Variants in FUT8 observed in about 807,000 individuals in gnomAD.
FUT8 encodes fucosyltransferase 8, also known as alpha-(1,6)-fucosyltransferase.
In FUT8, 29 loss-of-function variants were observed where a neutral mutation model predicts 71.3. The ratio of observed to expected loss-of-function variants is 0.41; its 90% CI spans 0.30 to 0.55. FUT8 has a LOEUF of 0.55. FUT8 is among the 20% of genes least tolerant of loss of function. The pLI, the probability that FUT8 is intolerant of heterozygous loss-of-function variation, is 0.34. For synonymous variants in FUT8, 254 were observed against 239.3 expected, an observed-to-expected ratio of 1.06 and a Z score of -0.57; for missense variants, 544 against 702.1, an observed-to-expected ratio of 0.77 and a Z score of 2.55.
intron 2 of FUT8, among the ~76,000 whole-genome samples, chr14:65,535,656 G>A (rs780213772): frequency 6.6e-6 from 1 of 152,126 alleles, no homozygotes; most frequent in Non-Finnish European, 1.5e-5. Flanking sequence ...TAGTTGGTAT[G>A]ATTTCCGCTC....
At chr14:65,568,818 T>C (rs1886331322) in intron 3 of FUT8, among the ~76,000 whole-genome samples, 1 of 151,152 alleles carries the variant, frequency 6.6e-6, no homozygotes, top group Non-Finnish European at 1.5e-5. Context: ...TATTCTTTTA[T>C]AATTGGCCAC....
intron 7 of FUT8, among the ~76,000 whole-genome samples, chr14:65,682,802 T>A (rs935899351): frequency 6.6e-6 from 1 of 152,186 alleles, no homozygotes; most frequent in Admixed American, 6.5e-5. Context: ...CAGTTGTGAA[T>A]AAAAAATTGG....
intron 2 of FUT8, among the ~76,000 whole-genome samples, chr14:65,482,160 G>A (rs2066340683): frequency 6.6e-6 from 1 of 151,976 alleles, no homozygotes; most frequent in African/African-American, 2.4e-5. Context: ...TTTTTATATG[G>A]GATAAAAATT....
chr14:65,522,801 C>T (rs1883173762), intron 2 of FUT8, among the ~76,000 whole-genome samples: 1 of 150,558 alleles, frequency 6.6e-6, no homozygotes, highest in African/African-American at 2.5e-5. Context: ...CGGTTTCCAC[C>T]AATGAGTGAG....
chr14:65,456,064 ATTT>A (rs1193326597), intron 2 of FUT8, among the ~76,000 whole-genome samples: 2 of 152,176 alleles, frequency 1.3e-5, no homozygotes, highest in Non-Finnish European at 2.9e-5. Context: ...CATCTTAAAC[ATTT>A]CTGACATTTT....
chr14:65,697,597 A>T (rs905710429), intron 7 of FUT8, among the ~76,000 whole-genome samples: 7 of 152,214 alleles, frequency 4.6e-5, no homozygotes. Flanking sequence ...AGAAAAGTAC[A>T]ATTATGTTTT....
At chr14:65,636,907 A>G (rs1347314076) in intron 6 of FUT8, among the ~76,000 whole-genome samples, 1 of 152,210 alleles carries the variant, frequency 6.6e-6, no homozygotes, top group Non-Finnish European at 1.5e-5. Context: ...TAAACTGATT[A>G]AAAGATTATA....
At position 65,550,709 on chromosome 14, in the gene FUT8, C is replaced by T. The variant is rs10129221; in HGVS notation, c.-227-10628C>T. On this transcript the variant is annotated intron_variant, in intron 2 of 10. Transcript: ENST00000673929. This position sits in a 1 kb window ranked among gnomAD's most constrained non-coding sequence, Gnocchi z 4.5. ...GCACATATTTCGATACTTGTTTCAG[C>T]GCTCTTGTCTGCTGTCATCATTGTC... 0.011 allele frequency among the ~76,000 whole-genome samples: 1,709 copies of T among 152,144 alleles called. 35 individuals are homozygous for T. The highest frequency in any genetic ancestry group is 0.039 in the African/African-American group (1,635 of 41,526).
At chr14:65,694,250 C>G (rs1179672825) in intron 7 of FUT8, among the ~76,000 whole-genome samples, 1 of 152,036 alleles carries the variant, frequency 6.6e-6, no homozygotes, top group African/African-American at 2.4e-5. Flanking sequence ...AATATGGAAG[C>G]TTAGATAATT....
intron 6 of FUT8, among the ~76,000 whole-genome samples, chr14:65,632,851 T>G (rs891296660): frequency 1.3e-5 from 2 of 152,250 alleles, no homozygotes; most frequent in African/African-American, 4.8e-5. Context: ...TAGTTTCAGG[T>G]CTCAGATTTA....
chr14:65,692,547 G>A (rs1321542021), intron 7 of FUT8, among the ~76,000 whole-genome samples: 4 of 143,738 alleles, frequency 2.8e-5, no homozygotes, highest in South Asian at 4.5e-4. Flanking sequence ...GCGGCTGGCC[G>A]GGAGGGGGGC....
chr14:65,365,545 A>G, the FUT8 span, among the ~76,000 whole-genome samples: 3 of 150,114 alleles, frequency 2.0e-5, no homozygotes, highest in Non-Finnish European at 4.4e-5. Context: ...CAGGTCATAA[A>G]GAGCTTGCTG....
At chr14:65,557,533 A>G (rs1367700967) in intron 2 of FUT8, among the ~76,000 whole-genome samples, 1 of 151,474 alleles carries the variant, frequency 6.6e-6, no homozygotes, top group Non-Finnish European at 1.5e-5. Context: ...GGGTTTCACC[A>G]TCTTGGCCAG....
the FUT8 span, among the ~76,000 whole-genome samples, chr14:65,385,249 C>A: frequency 6.6e-6 from 1 of 152,126 alleles, no homozygotes; most frequent in Admixed American, 6.6e-5. Context: ...GGGAATAAGC[C>A]CTCACTGATC....
the FUT8 span, among the ~76,000 whole-genome samples, chr14:65,360,324 G>A: frequency 4.6e-5 from 7 of 152,208 alleles, no homozygotes; most frequent in Non-Finnish European, 7.3e-5. Flanking sequence ...ATGTGGGCAC[G>A]ACTCACAGCA....
chr14:65,525,689 G>A (rs191782555), intron 2 of FUT8, among the ~76,000 whole-genome samples: 1 of 152,308 alleles, frequency 6.6e-6, no homozygotes, highest in African/African-American at 2.4e-5. Context: ...GCTTTCTCTT[G>A]TGGGCATTTA....
At chr14:65,736,954 A>G (rs990909012) in intron 10 of FUT8, among the ~76,000 whole-genome samples, 2 of 152,118 alleles carry the variant, frequency 1.3e-5, no homozygotes, top group African/African-American at 4.8e-5. Context: ...CCATATAACA[A>G]TAGTGAGAAA....
Position 65,616,346 on chromosome 14 carries a change from T to A in FUT8, c.455T>A (p.Phe152Tyr). 9 of 1,605,090 alleles carry A rather than the reference T, an allele frequency of 5.6e-6. No individual in the cohort carries two copies. The highest frequency in any genetic ancestry group is 7.6e-6 in the Non-Finnish European group (9 of 1,176,904). ...GAACTCCAAAGACATGCAGATGAATTTCTTTTGGATTTAGGACATCATGAA... is the reference window on the plus strand; with the variant it reads ...GAACTCCAAAGACATGCAGATGAATATCTTTTGGATTTAGGACATCATGAA... ...GNELQRHADE[F>Y]LLDLGHHERS... Residue 152 changes from phenylalanine (F) to tyrosine (Y), a missense_variant, in exon 5 of 11, where the codon TTT becomes TAT. Transcript: ENST00000673929.
chr14:65,589,918 T>G (rs941730420), intron 3 of FUT8, among the ~76,000 whole-genome samples: 2 of 152,150 alleles, frequency 1.3e-5, no homozygotes, highest in African/African-American at 4.8e-5. Flanking sequence ...ATCCAAAGAG[T>G]ACAAAAGGGG....
Sources: allele counts gnomAD v4.1 joint callset (sites outside exome capture counted in the v4.1 genomes callset), GRCh38; gene constraint gnomAD v4.1.1; non-coding constraint Gnocchi (gnomAD v3.1); transcripts MANE v1.5; gene names NCBI Gene and HGNC (gene_info 2026-07-23, HGNC 2026-07-21).